Variants in AUTS2 observed in about 807,000 individuals in gnomAD.
AUTS2 encodes activator of transcription and developmental regulator AUTS2.
AUTS2 carries 17 observed loss-of-function variants against 112.4 expected under a neutral mutation model. The observed-to-expected ratio is 0.15, with a 90% CI of 0.10 to 0.23. The LOEUF (loss-of-function observed/expected upper bound fraction) is 0.23. AUTS2 is among the 10% of genes least tolerant of loss of function. The pLI is 1.00. For missense variants in AUTS2, 1,510 were observed against 1,701.6 expected (o/e 0.89, Z 1.98); for synonymous variants, 751 against 702.7 (o/e 1.07, Z -1.09).
chr7:70,469,539 G>A (rs536513722), intron 5 of AUTS2, among the ~76,000 whole-genome samples: 1 of 152,330 alleles, frequency 6.6e-6, no homozygotes, highest in African/African-American at 2.4e-5. Flanking sequence ...TGTCCTTGCA[G>A]GCTATGGGGG....
At chr7:70,711,890 C>G (rs575768240) in intron 6 of AUTS2, among the ~76,000 whole-genome samples, 1 of 152,128 alleles carries the variant, frequency 6.6e-6, no homozygotes, top group Non-Finnish European at 1.5e-5. Flanking sequence ...TTTCCATGCC[C>G]CTTTACTCAC....
rs151246112 is a variant in AUTS2 at position 69,684,952 on chromosome 7, A to G, written c.309+84990A>G. On this transcript the variant is annotated intron_variant, in intron 1 of 18. Transcript: ENST00000342771. The stretch of plus-strand genomic sequence containing the variant: ...CAGTTAAAATCTGTATGTTCAGACT[A>G]CCTCATTGATTACGTGCCTGGTGTG... Among the ~76,000 whole-genome samples, 763 of 152,296 alleles carry G rather than the reference A, an allele frequency of 5.0e-3. 2 individuals are homozygous for G. The highest frequency in any genetic ancestry group is 0.017 in the Middle Eastern group (5 of 294).
chr7:69,655,654 C>G (rs1584017843), intron 1 of AUTS2, among the ~76,000 whole-genome samples: 1 of 152,254 alleles, frequency 6.6e-6, no homozygotes, highest in South Asian at 2.1e-4. Flanking sequence ...GGAGTCCCCT[C>G]TTGGCCCCAC....
At chr7:69,982,469 G>A (rs1285474985) in intron 2 of AUTS2, among the ~76,000 whole-genome samples, 2 of 151,170 alleles carry the variant, frequency 1.3e-5, no homozygotes, top group South Asian at 2.1e-4. Context: ...TCCTGAGGGG[G>A]GAAAAAAAAC....
At chr7:70,479,498 T>G (rs887723797) in intron 5 of AUTS2, among the ~76,000 whole-genome samples, 1 of 152,210 alleles carries the variant, frequency 6.6e-6, no homozygotes, top group Admixed American at 6.5e-5. Flanking sequence ...CCTCAAGCCC[T>G]GCCCTCCACG....
chr7:69,946,091 C>T (rs1389080167), intron 2 of AUTS2, among the ~76,000 whole-genome samples: 3 of 152,206 alleles, frequency 2.0e-5, no homozygotes, highest in Admixed American at 6.5e-5. Context: ...AAGTGATCCT[C>T]TCATCTCTGC....
chr7:70,261,577 C>T (rs778217705), intron 4 of AUTS2, among the ~76,000 whole-genome samples: 6 of 152,054 alleles, frequency 3.9e-5, no homozygotes, highest in Non-Finnish European at 7.4e-5. Flanking sequence ...ATTAGGTATT[C>T]CTTCTCTCTC....
At chr7:70,508,162 T>C (rs1471012983) in intron 5 of AUTS2, among the ~76,000 whole-genome samples, 2 of 151,102 alleles carry the variant, frequency 1.3e-5, no homozygotes, top group African/African-American at 4.9e-5. Context: ...CTTTTTTTTG[T>C]TGTTGTTATG....
At chr7:69,972,653 TTGTG>T (rs145264992) in intron 2 of AUTS2, among the ~76,000 whole-genome samples, 9 of 146,452 alleles carry the variant, frequency 6.1e-5, no homozygotes, top group Non-Finnish European at 1.1e-4. Context: ...AAGTTTTTCT[TTGTG>T]TGTGTGTGCG....
At chr7:69,664,853 C>G (rs1322078271) in intron 1 of AUTS2, among the ~76,000 whole-genome samples, 1 of 152,056 alleles carries the variant, frequency 6.6e-6, no homozygotes, top group Non-Finnish European at 1.5e-5. Flanking sequence ...CGTGTGAGAT[C>G]CTTAGATTAG....
intron 5 of AUTS2, among the ~76,000 whole-genome samples, chr7:70,461,674 C>G (rs116536196): frequency 1.1e-4 from 16 of 152,250 alleles, no homozygotes; most frequent in African/African-American, 3.6e-4. Context: ...ATTATCATCT[C>G]CTCTTTCCAA....
chr7:70,700,924 T>G (rs577755712), intron 6 of AUTS2, among the ~76,000 whole-genome samples: 1 of 152,330 alleles, frequency 6.6e-6, no homozygotes, highest in East Asian at 1.9e-4. Context: ...TCCAGTATCT[T>G]TAGCCAAGAG....
intron 7 of AUTS2, among the ~76,000 whole-genome samples, chr7:70,764,508 G>A (rs1016430598): frequency 2.0e-5 from 3 of 152,074 alleles, no homozygotes; most frequent in East Asian, 1.9e-4. Context: ...GAGCTGTCTC[G>A]ACACCAAGAT....
In AUTS2 at chr7:70,393,059, G is replaced by A. The variant is rs575423578; in HGVS notation, c.661-42693G>A. Among the ~76,000 whole-genome samples, 4 of 152,350 alleles carry A rather than the reference G, an allele frequency of 2.6e-5. 2 individuals are homozygous for A. The South Asian group carries it at 8.3e-4, about 32-fold the overall frequency. ...CAACCGACTGCTCCCGACAGGAAGGGTAGTATTGATTTTGCTGGTCTGCCT... is the reference window on the plus strand; with the variant it reads ...CAACCGACTGCTCCCGACAGGAAGGATAGTATTGATTTTGCTGGTCTGCCT... On this transcript the variant is annotated intron_variant, in intron 4 of 18. Transcript: ENST00000342771.
At chr7:69,874,225 T>TC (rs1256310930) in intron 1 of AUTS2, among the ~76,000 whole-genome samples, 3 of 138,620 alleles carry the variant, frequency 2.2e-5, no homozygotes, top group Non-Finnish European at 4.8e-5. Context: ...AGACCGTGTG[T>TC]CAAAAAAAAA....
chr7:69,911,378 G>A (rs527265212), intron 2 of AUTS2, among the ~76,000 whole-genome samples: 1 of 152,302 alleles, frequency 6.6e-6, no homozygotes, highest in East Asian at 1.9e-4. Flanking sequence ...GCTCCCTAAA[G>A]GGCCGCAGCT....
At chr7:70,469,620 C>G (rs189973486) in intron 5 of AUTS2, among the ~76,000 whole-genome samples, 1 of 152,024 alleles carries the variant, frequency 6.6e-6, no homozygotes, top group Non-Finnish European at 1.5e-5. Flanking sequence ...AGATCCGACT[C>G]GTGGTTTGTT....
intron 2 of AUTS2, among the ~76,000 whole-genome samples, chr7:70,016,505 G>T (rs1045726542): frequency 6.6e-6 from 1 of 151,956 alleles, no homozygotes; most frequent in East Asian, 1.9e-4. Flanking sequence ...TTTGGAGAGC[G>T]CACTACAGAA....
rs1232363180 is a variant in AUTS2, at chr7:70,609,577, TTTG to T, written c.691-88989_691-88987del. ...GCCAAGCTAATTTTGTTTTTTTTGT[TTTG>T]TTTTTTTTTTTTGTTGTTTTGTTTT... On this transcript the variant is annotated intron_variant, in intron 5 of 18. Transcript: ENST00000342771. Among the ~76,000 whole-genome samples, 473 of 141,384 alleles carry T rather than the reference TTTG, an allele frequency of 3.3e-3. 4 individuals are homozygous for T. The highest frequency in any genetic ancestry group is 0.013 in the African/African-American group (451 of 34,882). 92.8% of individuals were successfully genotyped at this position (141,384 alleles called of 152,430 possible). A position where few individuals can be genotyped will look rare whatever the true frequency, so the allele number is the denominator to read the frequency against.
Sources: gnomAD v4.1 joint callset for allele counts (sites outside exome capture counted in the v4.1 genomes callset) on GRCh38, gnomAD v4.1.1 for gene constraint, MANE v1.5 for transcripts, NCBI Gene and HGNC (gene_info 2026-07-23, HGNC 2026-07-21) for gene names.